MYZAP: variants seen among roughly 807,000 people sequenced by gnomAD.
MYZAP encodes the protein GRINL1A complex locus upstream.
A neutral mutation model predicts 69.4 loss-of-function variants in MYZAP; 66 were observed. The ratio of observed to expected loss-of-function variants is 0.95; its 90% CI spans 0.78 to 1.17. The LOEUF (loss-of-function observed/expected upper bound fraction) is 1.17. Among genes scored for constraint, MYZAP ranks in the 50% most tolerant of loss-of-function variants. The pLI, the probability that MYZAP is intolerant of heterozygous loss-of-function variation, is 0.00. For missense variants in MYZAP, 611 were observed against 556.2 expected, an observed-to-expected ratio of 1.10 and a Z score of -0.99; for synonymous variants, 256 against 205.9, an observed-to-expected ratio of 1.24 and a Z score of -2.09.
chr15:57,593,190 A>ATGCGCGCGCGCGCGCACACGCACG (rs376306761), intron 1 of MYZAP, among the ~76,000 whole-genome samples: 12 of 108,332 alleles, frequency 1.1e-4, no homozygotes, highest in Non-Finnish European at 2.1e-4. Flanking sequence ...ACACAGGCGC[A>ATGCGCGCGCGCGCGCACACGCACG]CACACACACA....
intron 1 of MYZAP, among the ~76,000 whole-genome samples, chr15:57,596,846 A>C (rs1198344001): frequency 6.6e-6 from 1 of 152,068 alleles, no homozygotes; most frequent in East Asian, 1.9e-4. Context: ...TGTCTCCTCT[A>C]GGAAGCCTGC....
chr15:57,633,768 C>A, intron 8 of MYZAP, 27 bp downstream of exon 8: 1 of 1,497,868 alleles, frequency 6.7e-7, no homozygotes, highest in Non-Finnish European at 8.9e-7. Flanking sequence ...GGCCTATTGC[C>A]CACTTGCCCA....
At chr15:57,658,807 A>G (rs2038135017) in intron 10 of MYZAP, among the ~76,000 whole-genome samples, 1 of 152,098 alleles carries the variant, frequency 6.6e-6, no homozygotes, top group Non-Finnish European at 1.5e-5. Context: ...ATTAGCTTTT[A>G]CCATCATGGT....
chr15:57,629,686 A>G lies in MYZAP; in HGVS notation c.526-16A>G, dbSNP rs747818729. ...CGCCACCGGATCTGGTTTTGTTTTT[A>G]TTTTCATCCTCACAGAAAACCCTCG... On this transcript the variant is annotated splice_polypyrimidine_tract_variant and intron_variant, in intron 5 of 12. Transcript: ENST00000267853. The G allele has an allele frequency of 1.2e-6, 2 of 1,603,674 alleles. No homozygotes were observed. The highest frequency in any genetic ancestry group is 1.7e-6 in the Non-Finnish European group (2 of 1,176,534).
chr15:57,661,453 G>A lies in MYZAP; in HGVS notation c.1123G>A (p.Glu375Lys). ...TTTTCCATCCCTTTCTTTCTAGATT[G>A]AATCATTAAAGAAAAAGTTGCAACA... ...KKVKQMVEEI[E>K]SLKKKLQQKQ... The change falls in exon 11 of 13, where the codon GAA becomes AAA. Residue 375 changes from glutamate (E) to lysine (K), a missense_variant. Physicochemically the swap from Glu to Lys is moderately conservative, Grantham distance 56. Coordinates refer to ENST00000267853, the MANE Select transcript of MYZAP (RefSeq NM_001018100.5). 1 of 1,605,928 alleles carries A rather than the reference G, an allele frequency of 6.2e-7. No homozygotes were observed. Among genetic ancestry groups the A allele is most frequent in the Non-Finnish European group, 8.5e-7 (1 of 1,176,522 alleles).
At chr15:57,619,525 G>A (rs565646237) in intron 3 of MYZAP, among the ~76,000 whole-genome samples, 39 of 152,106 alleles carry the variant, frequency 2.6e-4, no homozygotes, top group Admixed American at 5.9e-4. Flanking sequence ...CTGCAGGTGC[G>A]CACCGCTACA....
intron 8 of MYZAP, among the ~76,000 whole-genome samples, chr15:57,637,351 A>G (rs565658396): frequency 9.2e-5 from 14 of 152,316 alleles, no homozygotes; most frequent in Admixed American, 2.0e-4. Context: ...TGATTCAGAA[A>G]ATAATAAAGA....
chr15:57,683,843 G>A (rs2039557599), intron 12 of MYZAP, among the ~76,000 whole-genome samples: 1 of 151,840 alleles, frequency 6.6e-6, no homozygotes, highest in Admixed American at 6.6e-5. Context: ...TGCCCAGGCT[G>A]GAGTGCAGTG....
chr15:57,608,330 G>C (rs959606088), intron 2 of MYZAP, among the ~76,000 whole-genome samples: 10 of 152,236 alleles, frequency 6.6e-5, no homozygotes, highest in African/African-American at 2.2e-4. Context: ...ATTGGAGAAA[G>C]GAATTGCTCC....
intron 11 of MYZAP, among the ~76,000 whole-genome samples, chr15:57,662,681 AGAT>A (rs1362463647): frequency 1.3e-5 from 2 of 152,322 alleles, no homozygotes; most frequent in East Asian, 3.9e-4. Context: ...CCTCTGAGTT[AGAT>A]GATATTTTCC....
intron 1 of MYZAP, among the ~76,000 whole-genome samples, chr15:57,593,835 A>C (rs1349646644): frequency 6.6e-6 from 1 of 152,148 alleles, no homozygotes; most frequent in Non-Finnish European, 1.5e-5. Flanking sequence ...AGCTCTGCTC[A>C]TGATTTGCAG....
intron 10 of MYZAP, among the ~76,000 whole-genome samples, chr15:57,661,166 A>C (rs1279570641): frequency 6.6e-6 from 1 of 152,166 alleles, no homozygotes; most frequent in Non-Finnish European, 1.5e-5. Context: ...GGATTAATCA[A>C]AGCTGAGGAG....
chr15:57,677,081 G>C (rs1430601560), intron 12 of MYZAP, among the ~76,000 whole-genome samples: 1 of 152,138 alleles, frequency 6.6e-6, no homozygotes, highest in Admixed American at 6.5e-5. Flanking sequence ...AGTCTGGGTG[G>C]GGAGGAGCCC....
chr15:57,646,282 A>C (rs1879719540), intron 10 of MYZAP: 2 of 1,274,094 alleles, frequency 1.6e-6, no homozygotes, highest in Non-Finnish European at 2.0e-6. Flanking sequence ...AAGAGGTGGT[A>C]TTTATCTATG....
intron 4 of MYZAP, among the ~76,000 whole-genome samples, chr15:57,624,691 A>G (rs1462756962): frequency 6.6e-6 from 1 of 152,250 alleles, no homozygotes; most frequent in African/African-American, 2.4e-5. Flanking sequence ...GAATTGTCCC[A>G]GAAACCCTGT....
chr15:57,653,064 A>C (rs1296340795), intron 10 of MYZAP, among the ~76,000 whole-genome samples: 3 of 152,112 alleles, frequency 2.0e-5, no homozygotes, highest in Admixed American at 6.5e-5. Flanking sequence ...AATGTCTATA[A>C]ATGAGGGCCC....
intron 12 of MYZAP, chr15:57,680,806 T>C (rs768662112): frequency 2.0e-5 from 3 of 152,226 alleles, no homozygotes; most frequent in Non-Finnish European, 4.4e-5. Flanking sequence ...TGCTTTAAAA[T>C]GCTTATATTT....
At chr15:57,647,235 T>C in intron 10 of MYZAP, 1 of 985,418 alleles carries the variant, frequency 1.0e-6, no homozygotes, top group Non-Finnish European at 1.2e-6. Flanking sequence ...TGAATACTTT[T>C]CCGCATTAGT....
intron 10 of MYZAP, among the ~76,000 whole-genome samples, chr15:57,653,789 G>C (rs1290111596): frequency 6.6e-6 from 1 of 151,972 alleles, no homozygotes; most frequent in Non-Finnish European, 1.5e-5. Flanking sequence ...AGGATTGCTT[G>C]AGGCTGGGGG....
Sources: allele counts gnomAD v4.1 joint callset (sites outside exome capture counted in the v4.1 genomes callset), GRCh38; gene constraint gnomAD v4.1.1; transcripts MANE v1.5; gene names NCBI Gene and HGNC (gene_info 2026-07-23, HGNC 2026-07-21).